EVC: variants seen among roughly 807,000 people sequenced by gnomAD.
EVC encodes EvC ciliary complex subunit 1, also known as evC complex member EVC.
EVC carries 116 observed loss-of-function variants against 118.9 expected under a neutral mutation model. The observed-to-expected ratio is 0.98, with a 90% CI of 0.84 to 1.14. The LOEUF (loss-of-function observed/expected upper bound fraction) is 1.14. EVC is among the 50% of genes most tolerant of loss of function. The probability of loss-of-function intolerance (pLI) is 0.00; values close to 1 mark genes in which losing one functional copy is unlikely to be tolerated. For synonymous variants in EVC, 619 were observed against 534.7 expected (o/e 1.16, Z -2.18); for missense variants, 1,401 against 1,246.4 (o/e 1.12, Z -1.87).
At chr4:5,712,843 G>C (rs954753935) in intron 1 of EVC, among the ~76,000 whole-genome samples, 14 of 152,198 alleles carry the variant, frequency 9.2e-5, no homozygotes, top group African/African-American at 3.1e-4. Flanking sequence ...GTAACACACA[G>C]AGACTTGGCT....
At chr4:5,796,546 G>C (rs1713999168) in intron 13 of EVC, among the ~76,000 whole-genome samples, 1 of 152,138 alleles carries the variant, frequency 6.6e-6, no homozygotes, top group South Asian at 2.1e-4. Context: ...CCACCAAAAA[G>C]CCTGGAGCGT....
intron 12 of EVC, among the ~76,000 whole-genome samples, chr4:5,788,793 C>A (rs1350436998): frequency 2.0e-5 from 3 of 152,216 alleles, no homozygotes; most frequent in African/African-American, 7.2e-5. Context: ...TCAACCCCCA[C>A]CCAGAGTGAT....
the EVC span, among the ~76,000 whole-genome samples, chr4:5,820,547 A>G: frequency 3.1e-4 from 47 of 152,260 alleles, no homozygotes; most frequent in African/African-American, 1.0e-3. Context: ...ATTTGAGCCT[A>G]TTTTGTGGAA....
the EVC span, among the ~76,000 whole-genome samples, chr4:5,820,587 C>A: frequency 2.4e-4 from 36 of 152,278 alleles, no homozygotes; most frequent in Admixed American, 1.3e-3. Flanking sequence ...TCCCTCTCTT[C>A]GCCTCCTTGG....
intron 13 of EVC, 59 bp downstream of exon 13, chr4:5,793,776 C>A (rs1713238882): frequency 1.5e-6 from 2 of 1,302,290 alleles, no homozygotes; most frequent in Non-Finnish European, 2.2e-6. Flanking sequence ...TCCCTCCAGC[C>A]TCAGTGTCCT....
intron 11 of EVC, among the ~76,000 whole-genome samples, chr4:5,771,166 G>C (rs1044981673): frequency 6.6e-6 from 1 of 152,120 alleles, no homozygotes; most frequent in African/African-American, 2.4e-5. Flanking sequence ...CATTTCTGGA[G>C]GTCAGAAGTC....
At chr4:5,802,231 C>A in intron 16 of EVC, 137 bp downstream of exon 16, 3 of 1,280,670 alleles carry the variant, frequency 2.3e-6, no homozygotes, top group Non-Finnish European at 3.3e-6. Flanking sequence ...TGTATTTATC[C>A]CGTGCTTTGT....
intron 11 of EVC, among the ~76,000 whole-genome samples, chr4:5,771,011 C>CAAA (rs10699296): frequency 3.9e-4 from 56 of 143,790 alleles, no homozygotes; most frequent in South Asian, 9.0e-4. Flanking sequence ...GACTTCATTT[C>CAAA]AAAAAAAAAA....
chr4:5,811,340 A>G lies in EVC; in HGVS notation c.*303A>G, dbSNP rs1207793416. 8 of 399,578 alleles carry G rather than the reference A, an allele frequency of 2.0e-5. No homozygotes were observed. The East Asian group carries it at 4.4e-4, about 22-fold the overall frequency. The allele number at this position is 399,578 out of a possible 1,614,324, so 24.8% of individuals were successfully genotyped here. The stretch of plus-strand genomic sequence containing the variant: ...AAGGAGGGACGTCTTGAGGGGTCCG[A>G]GCCTCAGGCCAAGGACCCCTGATGC... On this transcript the variant is annotated 3_prime_UTR_variant, in exon 21 of 21. Transcript: ENST00000264956.
At chr4:5,824,822 T>C in the EVC span, 3 of 985,384 alleles carry the variant, frequency 3.0e-6, no homozygotes, top group Non-Finnish European at 3.6e-6. Context: ...CCAGTTCAAC[T>C]TTCTCAACGT....
At chr4:5,821,937 A>C in the EVC span, 1 of 1,016,416 alleles carries the variant, frequency 9.8e-7, no homozygotes, top group Non-Finnish European at 1.4e-6. The surrounding 1 kb of genome is among the most constrained non-coding windows in gnomAD (Gnocchi z 4.4). Context: ...TCTGCCATGC[A>C]CTCCACTGGA....
rs752257338 is a variant in EVC at position 5,738,679 on chromosome 4, G to T, written c.703-3037G>T. ...CCTCCCAGATTCAAGTGATTCTCCC[G>T]CCTCAGCCTCCCGAGCAGCTGGGAC... On this transcript the variant is annotated intron_variant, in intron 5 of 20. Transcript: ENST00000264956. This position sits in a 1 kb window ranked among gnomAD's most constrained non-coding sequence, Gnocchi z 6.5. Among the ~76,000 whole-genome samples, 1 of 150,710 alleles carries T rather than the reference G, an allele frequency of 6.6e-6. No homozygotes were observed. The highest frequency in any genetic ancestry group is 1.5e-5 in the Non-Finnish European group (1 of 67,836).
chr4:5,768,947 TG>T (rs1191641572), intron 11 of EVC, among the ~76,000 whole-genome samples: 1 of 152,134 alleles, frequency 6.6e-6, no homozygotes, highest in East Asian at 1.9e-4. Context: ...CCTTGCTGGC[TG>T]GCTGGCTGTG....
chr4:5,794,317 ATATATATT>A lies in EVC; in HGVS notation c.1886+608_1886+615del, dbSNP rs1560419821. On this transcript the variant is annotated intron_variant, in intron 13 of 20. Transcript: ENST00000264956. ...TATATATTTATATTTTTATATATTT[ATATATATT>A]TATATATATTTATATACTTATATAT... Among the ~76,000 whole-genome samples, 39 of 131,898 alleles carry A rather than the reference ATATATATT, an allele frequency of 3.0e-4. 2 individuals are homozygous for A. Among genetic ancestry groups the A allele is most frequent in the Middle Eastern group, 7.4e-3 (2 of 270 alleles). The allele number at this position is 131,898 out of a possible 152,430, so 86.5% of individuals were successfully genotyped here.
intron 5 of EVC, among the ~76,000 whole-genome samples, chr4:5,736,425 CT>C (rs1450047127): frequency 6.6e-6 from 1 of 152,050 alleles, no homozygotes; most frequent in Non-Finnish European, 1.5e-5. Flanking sequence ...AGAACCACCC[CT>C]GGGGGAGGAG....
At position 5,783,623 on chromosome 4, in the gene EVC, C is replaced by T. The variant is rs781699320; in HGVS notation, c.1635C>T (p.Gly545=). 1.9e-6 allele frequency: 3 copies of T among 1,614,202 alleles called. No individual in the cohort carries two copies. The South Asian group carries it at 3.3e-5, about 18-fold the overall frequency. ...CCCTGTTCCTTCAGACGCTCCCTGG[C>T]ATGACTGGCCTCCCCCCGGAAGAGT... ...VDALFLQTLP[G]MTGLPPEECD... Residue 545 remains glycine (G), a synonymous_variant, in exon 12 of 21, where the codon GGC becomes GGT. Coordinates refer to ENST00000264956, the MANE Select transcript of EVC (RefSeq NM_153717.3).
At chr4:5,788,331 A>C (rs1381153734) in intron 12 of EVC, among the ~76,000 whole-genome samples, 1 of 152,154 alleles carries the variant, frequency 6.6e-6, no homozygotes, top group African/African-American at 2.4e-5. Context: ...AGAAGGCTTC[A>C]CTGGAGAAGA....
Position 5,738,807 on chromosome 4 carries a change from C to A in EVC, c.703-2909C>A, listed in dbSNP as rs142356999. Among the ~76,000 whole-genome samples, 735 of 152,170 alleles carry A rather than the reference C, an allele frequency of 4.8e-3. 6 individuals are homozygous for A. Among genetic ancestry groups the A allele is most frequent in the African/African-American group, 0.017 (709 of 41,500 alleles). On this transcript the variant is annotated intron_variant, in intron 5 of 20. Coordinates refer to ENST00000264956, the MANE Select transcript of EVC (RefSeq NM_153717.3). The surrounding 1 kb of genome is among the most constrained non-coding windows in gnomAD (Gnocchi z 6.5). The stretch of plus-strand genomic sequence containing the variant: ...GGTCTCAATCTCTTGACCTTGTGAT[C>A]CACCTGCCTCCGCCTCCCAAAGTGC...
In EVC at chr4:5,769,608, A is replaced by G. The variant is rs971493489; in HGVS notation, c.1563+13246A>G. Among the ~76,000 whole-genome samples, 9 of 152,154 alleles carry G rather than the reference A, an allele frequency of 5.9e-5. No homozygotes were observed. The East Asian group carries it at 1.7e-3, about 29-fold the overall frequency. ...CCAAAGCCAGTGTCATCCCAATAAC[A>G]GCGGGGCTCTGGGTGGAGTTTGCTG... On this transcript the variant is annotated intron_variant, in intron 11 of 20. Coordinates refer to ENST00000264956, the MANE Select transcript of EVC (RefSeq NM_153717.3).
Sources: gnomAD v4.1 joint callset for allele counts (sites outside exome capture counted in the v4.1 genomes callset) on GRCh38, gnomAD v4.1.1 for gene constraint, Gnocchi (gnomAD v3.1) non-coding constraint, MANE v1.5 for transcripts, NCBI Gene and HGNC (gene_info 2026-07-23, HGNC 2026-07-21) for gene names.